The following WDR70 variants were observed in gnomAD, a reference collection of about 807,000 sequenced individuals.
WDR70 encodes the protein WD repeat domain 70, also known as WD repeat-containing protein 70.
Under a neutral mutation model 88.6 loss-of-function variants are expected in WDR70, and 53 were observed. The ratio of observed to expected loss-of-function variants is 0.60; its 90% CI spans 0.48 to 0.75. The LOEUF is 0.75. Among genes scored for constraint, WDR70 ranks in the 30% least tolerant of loss-of-function variants. WDR70 has a pLI of 0.00. For synonymous variants in WDR70, 280 were observed against 270.0 expected, an observed-to-expected ratio of 1.04 and a Z score of -0.36; for missense variants, 610 against 823.2, an observed-to-expected ratio of 0.74 and a Z score of 3.17.
chr5:37,632,243 TAC>T (rs1274647691), intron 10 of WDR70, among the ~76,000 whole-genome samples: 1 of 152,206 alleles, frequency 6.6e-6, no homozygotes, highest in East Asian at 1.9e-4. Flanking sequence ...GTAGAGCAGA[TAC>T]AGTTATGTAT....
chr5:37,634,317 AAAAG>A (rs1381216623), intron 10 of WDR70, among the ~76,000 whole-genome samples: 1 of 151,860 alleles, frequency 6.6e-6, no homozygotes, highest in East Asian at 1.9e-4. Flanking sequence ...AAAAAGAAAA[AAAAG>A]AAAAAAAAAA....
At position 37,420,651 on chromosome 5, in the gene WDR70, G is replaced by A. The variant is rs192024558; in HGVS notation, c.493-17271G>A. Reference sequence around the variant, plus strand: ...TTCATATGTTCCTCAGGCTGTTCCCGAACTCATGGCTTTAAATGATCCTCT... The same window carrying A: ...TTCATATGTTCCTCAGGCTGTTCCCAAACTCATGGCTTTAAATGATCCTCT... On this transcript the variant is annotated intron_variant, in intron 5 of 17. Transcript: ENST00000265107. Among the ~76,000 whole-genome samples the A allele has an allele frequency of 3.3e-3, 509 of 152,152 alleles. 3 individuals are homozygous for A. Among genetic ancestry groups the A allele is most frequent in the Non-Finnish European group, 5.5e-3 (374 of 67,998 alleles).
chr5:37,403,473 G>A (rs1749262619), intron 5 of WDR70, among the ~76,000 whole-genome samples: 1 of 152,068 alleles, frequency 6.6e-6, no homozygotes, highest in Non-Finnish European at 1.5e-5. Context: ...GCAACTAATA[G>A]TACTAATTCC....
In WDR70 at chr5:37,432,594, C is replaced by T. The variant is rs561844437; in HGVS notation, c.493-5328C>T. 2.1e-3 allele frequency among the ~76,000 whole-genome samples: 313 copies of T among 151,414 alleles called. 1 individual carries two copies. The highest frequency in any genetic ancestry group is 7.1e-3 in the African/African-American group (293 of 41,186). The stretch of plus-strand genomic sequence containing the variant: ...TTTTTTTTTACTAGAGATGGGGTTT[C>T]GCCGTGTTAGCCAGGATGGTCTCGA... On this transcript the variant is annotated intron_variant, in intron 5 of 17. Transcript: ENST00000265107.
At chr5:37,613,177 A>G (rs910661489) in intron 10 of WDR70, among the ~76,000 whole-genome samples, 1 of 152,208 alleles carries the variant, frequency 6.6e-6, no homozygotes, top group African/African-American at 2.4e-5. Flanking sequence ...TTTTAAAAAT[A>G]TGGATGATTA....
At chr5:37,727,852 A>G (rs1267755852) in intron 17 of WDR70, among the ~76,000 whole-genome samples, 2 of 152,158 alleles carry the variant, frequency 1.3e-5, no homozygotes, top group South Asian at 4.1e-4. Context: ...CTCGGATTAC[A>G]GGCATGAGCC....
chr5:37,513,243 G>A (rs1740775817), intron 8 of WDR70, among the ~76,000 whole-genome samples: 1 of 152,126 alleles, frequency 6.6e-6, no homozygotes, highest in African/African-American at 2.4e-5. Flanking sequence ...AATGTGGTGG[G>A]CCATGTTTTC....
intron 8 of WDR70, among the ~76,000 whole-genome samples, chr5:37,492,484 A>G (rs1182404210): frequency 6.6e-6 from 1 of 152,178 alleles, no homozygotes; most frequent in African/African-American, 2.4e-5. Context: ...CACTCCTATG[A>G]TTACATTGTG....
intron 9 of WDR70, among the ~76,000 whole-genome samples, chr5:37,544,202 G>A (rs1022623973): frequency 6.6e-6 from 1 of 152,218 alleles, no homozygotes; most frequent in Middle Eastern, 3.2e-3. Context: ...GATTTCCTAA[G>A]TCCATGCCTC....
intron 9 of WDR70, among the ~76,000 whole-genome samples, chr5:37,581,964 T>C (rs1226699746): frequency 3.3e-5 from 5 of 152,110 alleles, no homozygotes; most frequent in South Asian, 2.1e-4. Context: ...CTAGCTCTCA[T>C]AGTGCTTCAG....
chr5:37,673,770 A>G (rs1438953807), intron 10 of WDR70, among the ~76,000 whole-genome samples: 1 of 151,156 alleles, frequency 6.6e-6, no homozygotes, highest in Non-Finnish European at 1.5e-5. Flanking sequence ...CCCTTCACCC[A>G]TGCCCCCTAA....
intron 8 of WDR70, among the ~76,000 whole-genome samples, chr5:37,516,122 T>G (rs948980134): frequency 6.6e-6 from 1 of 152,336 alleles, no homozygotes; most frequent in African/African-American, 2.4e-5. Context: ...TGTAAATGCT[T>G]TCTATTCTTG....
intron 7 of WDR70, among the ~76,000 whole-genome samples, chr5:37,463,026 C>G (rs529746217): frequency 3.6e-4 from 55 of 152,070 alleles, no homozygotes; most frequent in Non-Finnish European, 6.6e-4. Flanking sequence ...ATAATCCCAG[C>G]ACTTTGGGAG....
chr5:37,731,589 A>G (rs545228785), intron 17 of WDR70, among the ~76,000 whole-genome samples: 4 of 152,186 alleles, frequency 2.6e-5, no homozygotes, highest in African/African-American at 9.6e-5. Flanking sequence ...TTCCATTATT[A>G]TTAGGGATTT....
intron 5 of WDR70, among the ~76,000 whole-genome samples, chr5:37,424,128 G>A (rs906648917): frequency 4.6e-5 from 6 of 131,748 alleles, no homozygotes; most frequent in East Asian, 4.3e-4. Flanking sequence ...CAGCCGTGGC[G>A]GCAGAGGGAG....
At chr5:37,559,418 C>T (rs1039596751) in intron 9 of WDR70, among the ~76,000 whole-genome samples, 1 of 152,058 alleles carries the variant, frequency 6.6e-6, no homozygotes, top group Non-Finnish European at 1.5e-5. Context: ...ATGCTTTTTC[C>T]TTTACCCATT....
intron 17 of WDR70, among the ~76,000 whole-genome samples, chr5:37,737,544 C>A (rs937666358): frequency 1.3e-5 from 2 of 152,202 alleles, no homozygotes; most frequent in African/African-American, 4.8e-5. Flanking sequence ...TGGCGAGTTA[C>A]CTTCACTGAG....
rs949138750 is a variant in WDR70, at chr5:37,753,231, C to T, written c.*658C>T. On this transcript the variant is annotated 3_prime_UTR_variant, in exon 18 of 18. Coordinates refer to ENST00000265107, the MANE Select transcript of WDR70 (RefSeq NM_018034.4). ...TGAAATAGTACGTACTTTGCAGGTT[C>T]GTCAGAAGAATTAAATGGGACATGC... 5.3e-5 allele frequency: 8 copies of T among 152,066 alleles called. No homozygotes were observed. Among genetic ancestry groups the T allele is most frequent in the East Asian group, 1.9e-4 (1 of 5,180 alleles). 9.4% of individuals were successfully genotyped at this position (152,066 alleles called of 1,614,324 possible).
intron 10 of WDR70, among the ~76,000 whole-genome samples, chr5:37,694,401 A>G (rs758532880): frequency 1.3e-5 from 2 of 152,348 alleles, no homozygotes; most frequent in Non-Finnish European, 1.5e-5. Flanking sequence ...GTGCTCACGT[A>G]TGTTAATTGC....
Sources: gnomAD v4.1 joint callset for allele counts (sites outside exome capture counted in the v4.1 genomes callset) on GRCh38, gnomAD v4.1.1 for gene constraint, MANE v1.5 for transcripts, NCBI Gene and HGNC (gene_info 2026-07-23, HGNC 2026-07-21) for gene names.